The following PRKN variants were observed in gnomAD, a reference collection of about 807,000 sequenced individuals.
The protein encoded by PRKN is E3 ubiquitin-protein ligase parkin.
In PRKN, 56 loss-of-function variants were observed where a neutral mutation model predicts 59.5. The observed-to-expected ratio is 0.94, with a 90% CI of 0.76 to 1.18. The LOEUF is 1.18. PRKN is among the 50% of genes most tolerant of loss of function. The probability of loss-of-function intolerance (pLI) is 0.00; values close to 1 mark genes in which losing one functional copy is unlikely to be tolerated. For missense variants in PRKN, 657 were observed against 596.4 expected (o/e 1.10, Z -1.06); for synonymous variants, 250 against 222.1 (o/e 1.13, Z -1.12).
chr6:162,153,033 T>A (rs1490729574), intron 4 of PRKN, among the ~76,000 whole-genome samples: 1 of 152,232 alleles, frequency 6.6e-6, no homozygotes, highest in Non-Finnish European at 1.5e-5. Context: ...ACAGATATTT[T>A]AAATGCCTGA....
rs115842600 is a variant in PRKN at position 161,356,630 on chromosome 6, C to T, written c.1285+3458G>A. Among the ~76,000 whole-genome samples the T allele has an allele frequency of 6.7e-3, 1,026 of 152,100 alleles. 9 individuals carry two copies. The highest frequency in any genetic ancestry group is 0.022 in the African/African-American group (906 of 41,480). On this transcript the variant is annotated intron_variant, in intron 11 of 11. Coordinates refer to ENST00000366898, the MANE Select transcript of PRKN (RefSeq NM_004562.3). This position sits in a 1 kb window ranked among gnomAD's most constrained non-coding sequence, Gnocchi z 7.8. ...AGAGCACGGGGAAGGCCGTGGTGAC[C>T]GGGGATTGAATGCAGGGTGAGGAAG... is the stretch of plus-strand genomic sequence containing the variant.
chr6:162,594,675 C>T (rs545012138), intron 1 of PRKN, among the ~76,000 whole-genome samples: 2 of 151,122 alleles, frequency 1.3e-5, no homozygotes, highest in Non-Finnish European at 2.9e-5. Context: ...TCCAAGTTCA[C>T]TGTTAGTTAC....
At chr6:161,590,621 T>C (rs1387450553) in intron 7 of PRKN, among the ~76,000 whole-genome samples, 2 of 151,854 alleles carry the variant, frequency 1.3e-5, no homozygotes, top group Admixed American at 1.3e-4. Flanking sequence ...TAATCCCAGC[T>C]ACTCGGGAGG....
chr6:161,776,216 T>C (rs556831043), intron 7 of PRKN, among the ~76,000 whole-genome samples: 2 of 152,290 alleles, frequency 1.3e-5, no homozygotes, highest in South Asian at 4.1e-4. Context: ...CTCCACCAAG[T>C]TGGGTGAGTG....
chr6:161,843,234 C>A (rs2128221034), intron 6 of PRKN, among the ~76,000 whole-genome samples: 1 of 152,304 alleles, frequency 6.6e-6, no homozygotes. Context: ...GACTCTCCTT[C>A]TGAATAACAG....
At chr6:162,165,010 C>T (rs1782915806) in intron 4 of PRKN, among the ~76,000 whole-genome samples, 1 of 148,322 alleles carries the variant, frequency 6.7e-6, no homozygotes, top group African/African-American at 2.6e-5. Flanking sequence ...TTTACTCTGT[C>T]TTTATATAGA....
At chr6:162,211,145 A>G (rs745553234) in intron 3 of PRKN, among the ~76,000 whole-genome samples, 1 of 152,290 alleles carries the variant, frequency 6.6e-6, no homozygotes, top group South Asian at 2.1e-4. Flanking sequence ...ACTTTACAAA[A>G]TACTGTAGGG....
At chr6:162,230,405 C>T (rs1171358646) in intron 3 of PRKN, among the ~76,000 whole-genome samples, 10 of 152,212 alleles carry the variant, frequency 6.6e-5, no homozygotes, top group Admixed American at 6.5e-4. Flanking sequence ...TGAAATAATC[C>T]TGCAAGAGGC....
In PRKN at chr6:162,190,513, GT is replaced by G. The variant is rs375335066; in HGVS notation, c.534+10617del. Among the ~76,000 whole-genome samples, 8 of 152,292 alleles carry G rather than the reference GT, an allele frequency of 5.3e-5. No individual in the cohort carries two copies. In the East Asian group the frequency reaches 1.5e-3, roughly 29 times the overall value. On this transcript the variant is annotated intron_variant, in intron 4 of 11. Coordinates refer to ENST00000366898, the MANE Select transcript of PRKN (RefSeq NM_004562.3). ...TTCCCCAGATTAAACTCTCAGTTTG[GT>G]TTCTTTCTCGCCGGGTGACCCAAGT...
chr6:162,555,583 A>G (rs2128204849), intron 1 of PRKN, among the ~76,000 whole-genome samples: 1 of 152,274 alleles, frequency 6.6e-6, no homozygotes, highest in African/African-American at 2.4e-5. Flanking sequence ...TACACTCAAG[A>G]TATGTCATGT....
chr6:162,062,114 A>G (rs906187297), intron 4 of PRKN, among the ~76,000 whole-genome samples: 1 of 152,242 alleles, frequency 6.6e-6, no homozygotes, highest in Non-Finnish European at 1.5e-5. Context: ...GTTGCAGGCA[A>G]GTGCTCCTAA....
intron 4 of PRKN, among the ~76,000 whole-genome samples, chr6:162,092,403 C>A (rs778972012): frequency 6.6e-6 from 1 of 152,028 alleles, no homozygotes; most frequent in Non-Finnish European, 1.5e-5. Context: ...ACAGTTGAAG[C>A]AATAAATTTT....
chr6:162,257,325 A>G (rs1779678944), intron 3 of PRKN, among the ~76,000 whole-genome samples: 1 of 152,040 alleles, frequency 6.6e-6, no homozygotes, highest in African/African-American at 2.4e-5. Context: ...CAAAAGCAAA[A>G]AATTCTGAAA....
Position 161,401,628 on chromosome 6 carries a change from A to G in PRKN, c.1084-14751T>C, listed in dbSNP as rs1014239744. 5.3e-5 allele frequency among the ~76,000 whole-genome samples: 8 copies of G among 152,074 alleles called. No individual in the cohort carries two copies. Among genetic ancestry groups the G allele is most frequent in the African/African-American group, 1.7e-4 (7 of 41,406 alleles). ...GATTCTGTCCCCACTCCCCACCAAA[A>G]AAAAAAAATTAGAGTACTGATCTGG... On this transcript the variant is annotated intron_variant, in intron 9 of 11. Coordinates refer to ENST00000366898, the MANE Select transcript of PRKN (RefSeq NM_004562.3). This position sits in a 1 kb window ranked among gnomAD's most constrained non-coding sequence, Gnocchi z 4.4.
At chr6:161,590,053 T>C (rs1212241054) in intron 7 of PRKN, among the ~76,000 whole-genome samples, 1 of 151,984 alleles carries the variant, frequency 6.6e-6, no homozygotes, top group African/African-American at 2.4e-5. Context: ...CTTCCTGAAG[T>C]GCTGAGATTA....
Position 162,324,631 on chromosome 6 carries a change from T to A in PRKN, c.172-61866A>T, listed in dbSNP as rs1783183365. 7.9e-5 allele frequency among the ~76,000 whole-genome samples: 12 copies of A among 152,160 alleles called. No homozygotes were observed. In the South Asian group the frequency reaches 2.5e-3, roughly 32 times the overall value. On this transcript the variant is annotated intron_variant, in intron 2 of 11. Coordinates refer to ENST00000366898, the MANE Select transcript of PRKN (RefSeq NM_004562.3). ...GGTCCACAGGTGCTCAGTTCATAATTCTGCTTCACAACTTGCACACACACT... is the reference window on the plus strand; with the variant it reads ...GGTCCACAGGTGCTCAGTTCATAATACTGCTTCACAACTTGCACACACACT...
At chr6:162,383,414 CATGA>C (rs1459189252) in intron 2 of PRKN, among the ~76,000 whole-genome samples, 1 of 152,280 alleles carries the variant, frequency 6.6e-6, no homozygotes, top group East Asian at 1.9e-4. Flanking sequence ...CCAGCTGCAT[CATGA>C]ATGAGTGGTA....
intron 6 of PRKN, among the ~76,000 whole-genome samples, chr6:161,866,301 C>G (rs769253395): frequency 1.1e-4 from 17 of 152,060 alleles, no homozygotes; most frequent in Non-Finnish European, 2.9e-5. Flanking sequence ...GTTGGCCAGG[C>G]GCAGTGACTC....
intron 3 of PRKN, among the ~76,000 whole-genome samples, chr6:162,246,631 G>C (rs1204680795): frequency 6.6e-6 from 1 of 152,074 alleles, no homozygotes; most frequent in Non-Finnish European, 1.5e-5. Flanking sequence ...TTGGGTTTAA[G>C]AAAGGAAAAA....
Sources: allele counts gnomAD v4.1 joint callset (sites outside exome capture counted in the v4.1 genomes callset), GRCh38; gene constraint gnomAD v4.1.1; non-coding constraint Gnocchi (gnomAD v3.1); transcripts MANE v1.5; gene names NCBI Gene and HGNC (gene_info 2026-07-23, HGNC 2026-07-21).